Variants in SEL1L3 observed in about 807,000 individuals in gnomAD.
SEL1L3 encodes SEL1L family member 3, also known as protein sel-1 homolog 3.
A neutral mutation model predicts 142.8 loss-of-function variants in SEL1L3; 76 were observed. The observed-to-expected ratio is 0.53, with a 90% CI of 0.44 to 0.64. The LOEUF is 0.64. SEL1L3 is among the 30% of genes least tolerant of loss of function. The pLI is 0.00. For missense variants in SEL1L3, 1,262 were observed against 1,381.7 expected (o/e 0.91, Z 1.37); for synonymous variants, 504 against 519.6 (o/e 0.97, Z 0.41).
rs1199759681 is a variant in SEL1L3, at chr4:25,821,847, G to T, written c.1290+149C>A. 1.1e-5 allele frequency: 9 copies of T among 793,066 alleles called. No individual in the cohort carries two copies. The South Asian group carries it at 2.1e-4, about 19-fold the overall frequency. 49.1% of individuals were successfully genotyped at this position (793,066 alleles called of 1,614,324 possible). A position where few individuals can be genotyped will look rare whatever the true frequency, so the allele number is the denominator to read the frequency against. On this transcript the variant is annotated intron_variant, in intron 7 of 23. Transcript: ENST00000399878. ...CAGAAATTTTTATTGCATTTGCTGG[G>T]GGAAAAGCCTCAATATTAATGATGT...
chr4:25,827,464 G>T (rs183408111), intron 6 of SEL1L3, among the ~76,000 whole-genome samples: 1 of 152,326 alleles, frequency 6.6e-6, no homozygotes, highest in Admixed American at 6.5e-5. Flanking sequence ...GAGACCGGGA[G>T]CAAATCTGTC....
chr4:25,862,689 G>A lies in SEL1L3; in HGVS notation c.148C>T (p.Leu50=). 4 of 1,304,520 alleles carry A rather than the reference G, an allele frequency of 3.1e-6. No individual in the cohort carries two copies. The highest frequency in any genetic ancestry group is 3.4e-5 in the Admixed American group (1 of 29,818). 80.8% of individuals were successfully genotyped at this position (1,304,520 alleles called of 1,614,324 possible). A position where few individuals can be genotyped will look rare whatever the true frequency, so the allele number is the denominator to read the frequency against. Residue 50 remains leucine (L), a synonymous_variant, in exon 1 of 24, where the codon CTG becomes TTG. Coordinates refer to ENST00000399878, the MANE Select transcript of SEL1L3 (RefSeq NM_015187.5). ...LGGRSACALL[L]LCYLNVVPSL... ...CCGGCGCTCACCAGGTAGCAGAGCA[G>A]GAGCAGCGCGCAGGCAGAGCGGCCG... is the stretch of plus-strand genomic sequence containing the variant.
Position 25,818,147 on chromosome 4 carries a change from G to A in SEL1L3, c.1555C>T (p.Leu519=). The part of the protein sequence containing the change: ...SLFQALLEMD[L]LTVPRNQNES... Reference sequence around the variant, plus strand: ...GCAAAGACTCAATTACCGGTCAGCAGATCCATCTCCAGCAATGCCTGGAAC... The same window carrying A: ...GCAAAGACTCAATTACCGGTCAGCAAATCCATCTCCAGCAATGCCTGGAAC... The change falls in exon 9 of 24, where the codon CTG becomes TTG. Residue 519 remains leucine, a synonymous_variant. Transcript: ENST00000399878. 1.2e-6 allele frequency: 2 copies of A among 1,611,622 alleles called. No homozygotes were observed. The highest frequency in any genetic ancestry group is 1.3e-5 in the African/African-American group (1 of 75,014).
downstream of SEL1L3, among the ~76,000 whole-genome samples, chr4:25,746,704 C>G (rs768025988): frequency 2.8e-3 from 428 of 151,824 alleles, 2 homozygotes; most frequent in Non-Finnish European, 2.0e-3. Flanking sequence ...GCTTCTCCTT[C>G]GCCTTCTGCC....
At chr4:25,803,183 C>A (rs899524166) in intron 10 of SEL1L3, among the ~76,000 whole-genome samples, 1 of 152,194 alleles carries the variant, frequency 6.6e-6, no homozygotes, top group Non-Finnish European at 1.5e-5. Context: ...CTGGTCTGAC[C>A]ACCTCATCTC....
chr4:25,855,150 C>T (rs1717168644), intron 1 of SEL1L3, among the ~76,000 whole-genome samples: 2 of 152,230 alleles, frequency 1.3e-5, no homozygotes, highest in Admixed American at 1.3e-4. Context: ...CACTGATTAG[C>T]AACACATCAC....
chr4:25,745,847 C>T (rs1717245494), downstream of SEL1L3, among the ~76,000 whole-genome samples: 1 of 152,202 alleles, frequency 6.6e-6, no homozygotes, highest in African/African-American at 2.4e-5. Flanking sequence ...CCCAGTGTGG[C>T]GTGTGGCTGT....
chr4:25,756,984 G>A (rs1718007852), intron 23 of SEL1L3: 10 of 1,201,602 alleles, frequency 8.3e-6, no homozygotes, highest in Non-Finnish European at 1.1e-5. Context: ...TCCTTATTTT[G>A]AGGCTGGGTG....
intron 20 of SEL1L3, among the ~76,000 whole-genome samples, chr4:25,765,003 G>GT (rs1322231752): frequency 6.6e-6 from 1 of 152,068 alleles, no homozygotes; most frequent in Non-Finnish European, 1.5e-5. Flanking sequence ...CAAGAGCTGA[G>GT]TTTTTTTCTG....
chr4:25,763,426 CAAAT>C (rs1167036758), intron 20 of SEL1L3, among the ~76,000 whole-genome samples: 1 of 152,024 alleles, frequency 6.6e-6, no homozygotes, highest in Admixed American at 6.5e-5. Context: ...TACACATGCA[CAAAT>C]AGAGATTCAG....
At chr4:25,739,932 A>C in the SEL1L3 span, among the ~76,000 whole-genome samples, 1 of 151,464 alleles carries the variant, frequency 6.6e-6, no homozygotes. Flanking sequence ...TTTTTCATTC[A>C]TCAATGTATT....
At chr4:25,806,289 G>A (rs1170005982) in intron 9 of SEL1L3, among the ~76,000 whole-genome samples, 3 of 151,626 alleles carry the variant, frequency 2.0e-5, no homozygotes, top group African/African-American at 7.3e-5. Flanking sequence ...CGCCCGCCTA[G>A]GCCTCCCAAA....
chr4:25,717,286 A>G, the SEL1L3 span, among the ~76,000 whole-genome samples: 1 of 152,232 alleles, frequency 6.6e-6, no homozygotes, highest in African/African-American at 2.4e-5. Flanking sequence ...CTGTGTGACA[A>G]GAACTAGGTT....
chr4:25,732,224 T>C, the SEL1L3 span, among the ~76,000 whole-genome samples: 2 of 152,178 alleles, frequency 1.3e-5, no homozygotes, highest in Non-Finnish European at 2.9e-5. Context: ...ATTTGCCAGA[T>C]TTAGCAAATA....
At chr4:25,845,851 G>A (rs1388036469) in intron 2 of SEL1L3, among the ~76,000 whole-genome samples, 2 of 152,104 alleles carry the variant, frequency 1.3e-5, no homozygotes, top group Admixed American at 6.5e-5. Context: ...GCTGGGGGTC[G>A]GGACACGGGA....
intron 1 of SEL1L3, among the ~76,000 whole-genome samples, chr4:25,861,125 A>G (rs954587750): frequency 1.3e-5 from 2 of 152,186 alleles, no homozygotes; most frequent in Admixed American, 6.5e-5. Context: ...ACACTCTACT[A>G]CATCACTTCT....
At chr4:25,728,042 A>G in the SEL1L3 span, among the ~76,000 whole-genome samples, 69 of 152,274 alleles carry the variant, frequency 4.5e-4, no homozygotes, top group African/African-American at 1.6e-3. Context: ...ATGAACAGAC[A>G]CTAGAAAATA....
At chr4:25,775,024 C>G (rs940163822) in intron 17 of SEL1L3, among the ~76,000 whole-genome samples, 3 of 152,142 alleles carry the variant, frequency 2.0e-5, no homozygotes, top group African/African-American at 7.2e-5. Flanking sequence ...ATGTTTAGTT[C>G]ATCCTAAGAA....
At position 25,831,510 on chromosome 4, in the gene SEL1L3, A is replaced by AATAATT. The variant is rs1439018406; in HGVS notation, c.1099-1355_1099-1354insAATTAT. On this transcript the variant is annotated intron_variant, in intron 5 of 23. Coordinates refer to ENST00000399878, the MANE Select transcript of SEL1L3 (RefSeq NM_015187.5). Reference sequence around the variant, plus strand: ...ATTTTTAAATAATAATAATAATAATAATTATTATTATTATTATTATTATTA... The same window carrying AATAATT: ...ATTTTTAAATAATAATAATAATAATAATAATTATTATTATTATTATTATTATTATTA... Among the ~76,000 whole-genome samples, 23 of 122,596 alleles carry AATAATT rather than the reference A, an allele frequency of 1.9e-4. No individual in the cohort carries two copies. In the East Asian group the frequency reaches 2.9e-3, roughly 16 times the overall value. 80.4% of individuals were successfully genotyped at this position (122,596 alleles called of 152,430 possible).
Sources: allele counts gnomAD v4.1 joint callset (sites outside exome capture counted in the v4.1 genomes callset), GRCh38; gene constraint gnomAD v4.1.1; transcripts MANE v1.5; gene names NCBI Gene and HGNC (gene_info 2026-07-23, HGNC 2026-07-21).